Variants in BRCA2 observed in about 807,000 individuals in gnomAD.
BRCA2 encodes the protein breast cancer type 2 susceptibility protein.
BRCA2 carries 203 observed loss-of-function variants against 276.7 expected under a neutral mutation model. The observed-to-expected ratio is 0.73, with a 90% CI of 0.65 to 0.82. BRCA2 has a LOEUF of 0.82. Ranked by LOEUF, BRCA2 falls within the 40% of genes least tolerant of loss-of-function variation. The pLI is 0.00. For synonymous variants in BRCA2, 1,289 were observed against 1,338.4 expected, an observed-to-expected ratio of 0.96 and a Z score of 0.81; for missense variants, 3,920 against 3,915.0, an observed-to-expected ratio of 1.00 and a Z score of -0.03.
At chr13:32,329,764 T>G (rs1202200068) in intron 8 of BRCA2, among the ~76,000 whole-genome samples, 1 of 151,920 alleles carries the variant, frequency 6.6e-6, no homozygotes, top group East Asian at 1.9e-4. Context: ...AAACCTTAGA[T>G]AGTACCGAAC....
intron 18 of BRCA2, among the ~76,000 whole-genome samples, chr13:32,363,861 A>G (rs1039972653): frequency 1.3e-5 from 2 of 152,186 alleles, no homozygotes; most frequent in Non-Finnish European, 2.9e-5. Flanking sequence ...GGATTAGAGA[A>G]TTACATTTTA....
rs759415233 is a variant in BRCA2 at position 32,333,150 on chromosome 13, A to G, written c.1672A>G (p.Ile558Val). 6.2e-7 allele frequency: 1 copy of G among 1,614,150 alleles called. No homozygotes were observed. Among genetic ancestry groups the G allele is most frequent in the Non-Finnish European group, 8.5e-7 (1 of 1,180,008 alleles). Residue 558 changes from isoleucine to valine, a missense_variant, in exon 10 of 27, where the codon ATT becomes GTT. Ile to Val is a conservative substitution (Grantham distance 29). Coordinates refer to ENST00000380152, the MANE Select transcript of BRCA2 (RefSeq NM_000059.4). ...GGAGGACTCCTTATGTCCAAATTTA[A>G]TTGATAATGGAAGCTGGCCAGCCAC... Reference protein sequence around the residue: ...QKEDSLCPNLIDNGSWPATTT... With the variant: ...QKEDSLCPNLVDNGSWPATTT...
At chr13:32,336,229 T>C (rs1566225733) in intron 10 of BRCA2, 36 bp from the exon 11 acceptor site, 9 of 1,578,724 alleles carry the variant, frequency 5.7e-6, no homozygotes, top group East Asian at 2.2e-5. Context: ...TGATTGATGG[T>C]ACTTTAATTT....
At chr13:32,322,556 G>C (rs2072313272) in intron 3 of BRCA2, among the ~76,000 whole-genome samples, 1 of 152,354 alleles carries the variant, frequency 6.6e-6, no homozygotes, top group Admixed American at 6.5e-5. Flanking sequence ...ATAGTTTGTG[G>C]TTTAAGAACG....
rs11571647 is a variant in BRCA2 at position 32,335,140 on chromosome 13, TCAAG to T, written c.1910-1124_1910-1121del. On this transcript the variant is annotated intron_variant, in intron 10 of 26. Transcript: ENST00000380152. ...AGGCAGATCACTTAAGGTCAAGAGT[TCAAG>T]ACCAGCCTGGCCAACATGGTAAAAC... Among the ~76,000 whole-genome samples the T allele has an allele frequency of 7.2e-3, 1,099 of 152,046 alleles. 16 individuals are homozygous for T. Among genetic ancestry groups the T allele is most frequent in the African/African-American group, 0.025 (1,043 of 41,464 alleles).
At chr13:32,369,275 G>A (rs2072811127) in intron 18 of BRCA2, among the ~76,000 whole-genome samples, 1 of 151,864 alleles carries the variant, frequency 6.6e-6, no homozygotes, top group Non-Finnish European at 1.5e-5. Flanking sequence ...TTAGTATGAG[G>A]GAGAGACAGC....
At chr13:32,333,503 C>A in intron 10 of BRCA2, 116 bp downstream of exon 10, 1 of 1,118,646 alleles carries the variant, frequency 8.9e-7, no homozygotes, top group Non-Finnish European at 1.3e-6. Context: ...TCTTAGGCAT[C>A]ATCTGTATAC....
At chr13:32,369,421 G>A (rs2072812041) in intron 18 of BRCA2, among the ~76,000 whole-genome samples, 1 of 152,142 alleles carries the variant, frequency 6.6e-6, no homozygotes. Flanking sequence ...CAATTTCTGA[G>A]TGTTTTCCTT....
chr13:32,341,061 G>A lies in BRCA2; in HGVS notation c.6706G>A (p.Glu2236Lys), dbSNP rs41293503. 4.7e-5 allele frequency: 76 copies of A among 1,613,862 alleles called. No individual in the cohort carries two copies. Among genetic ancestry groups the A allele is most frequent in the Non-Finnish European group, 6.3e-5 (74 of 1,179,942 alleles). ...AGTAGAAATTGCTAAAGCTTTTATG[G>A]AAGATGATGAACTGACAGATTCTAA... Reference protein sequence around the residue: ...EAVEIAKAFMEDDELTDSKLP... With the variant: ...EAVEIAKAFMKDDELTDSKLP... The change falls in exon 11 of 27, where the codon GAA (glutamate) becomes AAA (lysine). Residue 2236 changes from glutamate (E) to lysine (K), a missense_variant. By Grantham distance (56) the Glu-to-Lys change is moderately conservative. Coordinates refer to ENST00000380152, the MANE Select transcript of BRCA2 (RefSeq NM_000059.4).
Position 32,332,278 on chromosome 13 carries a change from GA to G in BRCA2, c.805del (p.Thr269HisfsTer8). On this transcript the variant is annotated frameshift_variant, in exon 10 of 27. Transcript: ENST00000380152. LOFTEE classifies it high-confidence loss of function. The part of the protein sequence containing the change: ...NQREAASHGF[G>X]KTSGNSFKVN... ...CTGTTTTATACTTTAACAGGATTTG[GA>G]AAAACATCAGGGAATTCATTTAAAG... The G allele has an allele frequency of 6.2e-7, 1 of 1,601,230 alleles. No individual in the cohort carries two copies. Among genetic ancestry groups the G allele is most frequent in the Non-Finnish European group, 8.5e-7 (1 of 1,172,950 alleles).
At chr13:32,343,501 T>G (rs1032740434) in intron 11 of BRCA2, among the ~76,000 whole-genome samples, 1 of 152,210 alleles carries the variant, frequency 6.6e-6, no homozygotes, top group African/African-American at 2.4e-5. Context: ...TAATCAAGTG[T>G]TGTCCAGGTC....
rs755682674 is a variant in BRCA2, at chr13:32,332,258, T to C, written c.794-14T>C. 1 of 1,584,106 alleles carries C rather than the reference T, an allele frequency of 6.3e-7. No individual in the cohort carries two copies. ...TATAAAATATTAATGTGCTTCTGTT[T>C]TATACTTTAACAGGATTTGGAAAAA... On this transcript the variant is annotated splice_polypyrimidine_tract_variant and intron_variant, in intron 9 of 26. Coordinates refer to ENST00000380152, the MANE Select transcript of BRCA2 (RefSeq NM_000059.4).
chr13:32,363,913 GTAGATTTTAAACTA>G (rs2072763995), intron 18 of BRCA2, among the ~76,000 whole-genome samples: 1 of 152,150 alleles, frequency 6.6e-6, no homozygotes, highest in South Asian at 2.1e-4. Context: ...TTATCTCTAT[GTAGATTTTAAACTA>G]CATAACAGGA....
intron 11 of BRCA2, 128 bp from the exon 12 acceptor site, chr13:32,344,430 G>C (rs1223344153): frequency 1.6e-6 from 1 of 613,198 alleles, no homozygotes; most frequent in African/African-American, 1.9e-5. Flanking sequence ...GTCACTATTT[G>C]TTGTAAGTAT....
chr13:32,362,917 T>C (rs2137578691), intron 17 of BRCA2, among the ~76,000 whole-genome samples: 1 of 152,208 alleles, frequency 6.6e-6, no homozygotes, highest in African/African-American at 2.4e-5. Context: ...AACCTCTTGA[T>C]GTATGAGAAG....
intron 18 of BRCA2, among the ~76,000 whole-genome samples, chr13:32,370,153 A>G (rs1018095422): frequency 1.3e-5 from 2 of 152,196 alleles, no homozygotes; most frequent in African/African-American, 4.8e-5. Context: ...CTGTTTTCTA[A>G]TAGAAACATT....
At chr13:32,359,140 T>A (rs1011610715) in intron 16 of BRCA2, among the ~76,000 whole-genome samples, 1 of 149,524 alleles carries the variant, frequency 6.7e-6, no homozygotes, top group Non-Finnish European at 1.5e-5. Flanking sequence ...GAAAATCGTT[T>A]GAACCCGGGA....
intron 3 of BRCA2, 142 bp downstream of exon 3, chr13:32,319,467 T>C (rs2072291722): frequency 2.5e-6 from 2 of 807,122 alleles, no homozygotes; most frequent in Admixed American, 5.1e-5. Flanking sequence ...ACTCGAAAAA[T>C]GGAGACGATG....
At chr13:32,319,382 CCTG>C (rs1266495083) in intron 3 of BRCA2, 57 bp downstream of exon 3, 3 of 1,507,916 alleles carry the variant, frequency 2.0e-6, no homozygotes, top group Non-Finnish European at 2.7e-6. Flanking sequence ...TTTAGGCAAA[CCTG>C]TGTTAAAATC....
Sources: gnomAD v4.1 joint callset for allele counts (sites outside exome capture counted in the v4.1 genomes callset) on GRCh38, gnomAD v4.1.1 for gene constraint, MANE v1.5 for transcripts, NCBI Gene and HGNC (gene_info 2026-07-23, HGNC 2026-07-21) for gene names.